Variants in CNTNAP2 observed in about 807,000 individuals in gnomAD.
CNTNAP2 encodes contactin associated protein 2, also known as contactin-associated protein-like 2.
Under a neutral mutation model 155.2 loss-of-function variants are expected in CNTNAP2, and 98 were observed. The ratio of observed to expected loss-of-function variants is 0.63; its 90% CI spans 0.54 to 0.75. CNTNAP2 has a LOEUF of 0.75. CNTNAP2 is among the 30% of genes least tolerant of loss of function. The pLI, the probability that CNTNAP2 is intolerant of heterozygous loss-of-function variation, is 0.00. For missense variants in CNTNAP2, 1,727 were observed against 1,688.1 expected (o/e 1.02, Z -0.40); for synonymous variants, 651 against 631.2 (o/e 1.03, Z -0.47).
intron 16 of CNTNAP2, among the ~76,000 whole-genome samples, chr7:148,147,194 G>T (rs188288258): frequency 1.3e-5 from 2 of 152,280 alleles, no homozygotes; most frequent in East Asian, 3.9e-4. Flanking sequence ...AACTTCTCCA[G>T]ACTTCAGTCT....
At chr7:146,370,980 ATGT>A (rs575543108) in intron 1 of CNTNAP2, among the ~76,000 whole-genome samples, 1 of 152,132 alleles carries the variant, frequency 6.6e-6, no homozygotes, top group Non-Finnish European at 1.5e-5. Context: ...GCAATAGTAA[ATGT>A]TGTTTGTATA....
intron 8 of CNTNAP2, among the ~76,000 whole-genome samples, chr7:147,296,849 C>A (rs1054755482): frequency 3.9e-5 from 6 of 152,248 alleles, no homozygotes; most frequent in African/African-American, 9.6e-5. Flanking sequence ...TGGAGTCTCT[C>A]TGAGAGGCTG....
intron 11 of CNTNAP2, among the ~76,000 whole-genome samples, chr7:147,551,771 TG>T (rs1799857737): frequency 6.6e-6 from 1 of 152,208 alleles, no homozygotes; most frequent in Non-Finnish European, 1.5e-5. Context: ...TATTCATCGA[TG>T]GGTGTTCTCT....
rs1288256337 is a variant in CNTNAP2 at position 147,801,947 on chromosome 7, C to T, written c.2099-101618C>T. Among the ~76,000 whole-genome samples the T allele has an allele frequency of 8.9e-4, 129 of 144,984 alleles. 2 individuals are homozygous for T. Among genetic ancestry groups the T allele is most frequent in the African/African-American group, 3.2e-3 (124 of 38,642 alleles). ...CTCCTGGACGGGGCGGCTGGCCGGGCGGGGGGCTGACACCCCCACCTCCCT... is the reference window on the plus strand; with the variant it reads ...CTCCTGGACGGGGCGGCTGGCCGGGTGGGGGGCTGACACCCCCACCTCCCT... On this transcript the variant is annotated intron_variant, in intron 13 of 23. Transcript: ENST00000361727.
At chr7:146,284,707 G>A (rs1039039170) in intron 1 of CNTNAP2, among the ~76,000 whole-genome samples, 8 of 152,086 alleles carry the variant, frequency 5.3e-5, no homozygotes, top group African/African-American at 1.7e-4. Context: ...CCAGTTGTTC[G>A]ATGAGATTAA....
chr7:148,096,344 G>A (rs1803970762), intron 15 of CNTNAP2, among the ~76,000 whole-genome samples: 1 of 151,556 alleles, frequency 6.6e-6, no homozygotes, highest in Non-Finnish European at 1.5e-5. Context: ...TTAAGGCTGA[G>A]AAGTAACAAC....
intron 9 of CNTNAP2, among the ~76,000 whole-genome samples, chr7:147,306,056 C>T (rs1009687760): frequency 3.9e-5 from 6 of 152,160 alleles, no homozygotes; most frequent in Non-Finnish European, 8.8e-5. Context: ...TCATTATCAC[C>T]TCATCTTAAC....
At chr7:146,956,959 G>C (rs1450203513) in intron 3 of CNTNAP2, among the ~76,000 whole-genome samples, 1 of 152,138 alleles carries the variant, frequency 6.6e-6, no homozygotes, top group East Asian at 1.9e-4. Flanking sequence ...TTTAGTGACA[G>C]GGATACCTTT....
intron 10 of CNTNAP2, among the ~76,000 whole-genome samples, chr7:147,464,005 A>AATGTG (rs1317673855): frequency 1.3e-5 from 2 of 151,356 alleles, no homozygotes; most frequent in African/African-American, 4.9e-5. Flanking sequence ...CATTAGAGAG[A>AATGTG]ATGTGTCTGG....
intron 4 of CNTNAP2, among the ~76,000 whole-genome samples, chr7:147,083,802 CAT>C (rs1299988446): frequency 7.4e-6 from 1 of 135,384 alleles, no homozygotes; most frequent in Admixed American, 7.6e-5. Context: ...TACATATACA[CAT>C]GTATGTACAT....
At chr7:147,208,179 T>TG (rs1441808607) in intron 8 of CNTNAP2, among the ~76,000 whole-genome samples, 1 of 152,098 alleles carries the variant, frequency 6.6e-6, no homozygotes, top group Non-Finnish European at 1.5e-5. Context: ...AGGCACACTC[T>TG]GGGGGGTCTG....
intron 13 of CNTNAP2, among the ~76,000 whole-genome samples, chr7:147,693,989 A>T (rs1796127891): frequency 6.6e-6 from 1 of 151,920 alleles, no homozygotes; most frequent in Non-Finnish European, 1.5e-5. Context: ...TTGTGAATAT[A>T]TTTTATCAAG....
intron 13 of CNTNAP2, among the ~76,000 whole-genome samples, chr7:147,871,661 CTTT>C (rs5888290): frequency 7.7e-5 from 11 of 142,530 alleles, no homozygotes; most frequent in Admixed American, 1.4e-4. Flanking sequence ...ATTCCTTTCT[CTTT>C]TTTTTTTTTT....
intron 15 of CNTNAP2, among the ~76,000 whole-genome samples, chr7:148,026,589 G>C (rs207468786): frequency 6.6e-6 from 1 of 152,172 alleles, no homozygotes; most frequent in African/African-American, 2.4e-5. Flanking sequence ...TCAGATTCTT[G>C]ATTTGCCTCC....
intron 11 of CNTNAP2, among the ~76,000 whole-genome samples, chr7:147,561,537 C>A (rs1435551802): frequency 1.3e-5 from 2 of 151,592 alleles, no homozygotes; most frequent in East Asian, 1.9e-4. Context: ...TGAATGTCAG[C>A]CGTCTACACA....
intron 14 of CNTNAP2, among the ~76,000 whole-genome samples, chr7:147,946,056 T>A (rs1322846726): frequency 6.6e-6 from 1 of 151,928 alleles, no homozygotes; most frequent in East Asian, 1.9e-4. Context: ...TTAGTAGAGA[T>A]GGGGTTTCAC....
intron 11 of CNTNAP2, among the ~76,000 whole-genome samples, chr7:147,490,660 C>T (rs1035502718): frequency 6.6e-6 from 1 of 152,146 alleles, no homozygotes; most frequent in African/African-American, 2.4e-5. Flanking sequence ...TCAATGATAA[C>T]TTGGAGTTTG....
chr7:146,150,945 C>A (rs1798027738), intron 1 of CNTNAP2, among the ~76,000 whole-genome samples: 1 of 152,056 alleles, frequency 6.6e-6, no homozygotes, highest in Admixed American at 6.6e-5. Flanking sequence ...TTAATTGATA[C>A]TCTATTGAGC....
intron 9 of CNTNAP2, among the ~76,000 whole-genome samples, chr7:147,312,530 C>G (rs530889704): frequency 8.2e-6 from 1 of 121,282 alleles, no homozygotes; most frequent in Non-Finnish European, 1.6e-5. Flanking sequence ...TTTGTCCTTG[C>G]GATAGTTTAC....
Sources: allele counts gnomAD v4.1 joint callset (sites outside exome capture counted in the v4.1 genomes callset), GRCh38; gene constraint gnomAD v4.1.1; transcripts MANE v1.5; gene names NCBI Gene and HGNC (gene_info 2026-07-23, HGNC 2026-07-21).